PTCD1: variants seen among roughly 807,000 people sequenced by gnomAD.
PTCD1 encodes the protein pentatricopeptide repeat domain 1.
A neutral mutation model predicts 53.4 loss-of-function variants in PTCD1; 50 were observed. The ratio of observed to expected loss-of-function variants is 0.94; its 90% confidence interval spans 0.75 to 1.19. The LOEUF is 1.19. Among genes scored for constraint, PTCD1 ranks in the 50% most tolerant of loss-of-function variants. PTCD1 has a pLI of 0.00. For synonymous variants in PTCD1, 413 were observed against 394.8 expected (o/e 1.05, Z -0.55); for missense variants, 918 against 904.8 (o/e 1.01, Z -0.19).
rs537298799 is a variant in PTCD1 at position 99,418,157 on chromosome 7, G to C, written c.*1810C>G. The C allele has an allele frequency of 6.7e-4, 158 of 235,754 alleles. 1 individual carries two copies. Among genetic ancestry groups the C allele is most frequent in the Middle Eastern group, 2.1e-3 (1 of 476 alleles). 14.6% of individuals were successfully genotyped at this position (235,754 alleles called of 1,614,324 possible). A position where few individuals can be genotyped will look rare whatever the true frequency, so the allele number is the denominator to read the frequency against. On this transcript the variant is annotated 3_prime_UTR_variant, in exon 8 of 8. Transcript: ENST00000292478. ...TAATTTTGTATTTTTAGTAGAGACG[G>C]GGTTTCTCAATGTTGCTCAGGCTGG...
Position 99,429,623 on chromosome 7 carries a change from A to G in PTCD1, c.778T>C (p.Cys260Arg). Residue 260 changes from cysteine (C) to arginine (R), a missense_variant, in exon 4 of 8, where the codon TGC (cysteine) becomes CGC (arginine). By Grantham distance (180) the Cys-to-Arg change is radical. Coordinates refer to ENST00000292478, the MANE Select transcript of PTCD1 (RefSeq NM_015545.4). ...YHALLKMAAK[C>R]ADLRMCLDVF... ...TCGAGGCACATCCTAAGGTCTGCGC[A>G]CTTGGCAGCCATCTTCAGCAGCGCG... 1 of 1,614,204 alleles carries G rather than the reference A, an allele frequency of 6.2e-7. No individual in the cohort carries two copies. Among genetic ancestry groups the G allele is most frequent in the Non-Finnish European group, 8.5e-7 (1 of 1,180,028 alleles).
At chr7:99,428,206 A>C (rs889880728) in intron 5 of PTCD1, among the ~76,000 whole-genome samples, 1 of 151,970 alleles carries the variant, frequency 6.6e-6, no homozygotes, top group African/African-American at 2.4e-5. Flanking sequence ...GAGACCATCC[A>C]GGCTAACATG....
At chr7:99,433,049 TGAAGGGA>T in intron 3 of PTCD1, 1 of 627,728 alleles carries the variant, frequency 1.6e-6, no homozygotes, top group South Asian at 1.9e-5. Context: ...TGTTTTTTTT[TGAAGGGA>T]AAAGAAAGGG....
At chr7:99,424,062 C>T (rs1795929402) in intron 6 of PTCD1, 105 bp from the exon 7 acceptor site, 2 of 1,490,344 alleles carry the variant, frequency 1.3e-6, no homozygotes, top group South Asian at 2.4e-5. Context: ...GCGGCCAGGG[C>T]CAGCAAGGCA....
chr7:99,431,731 ACT>A (rs1004632843), intron 3 of PTCD1, among the ~76,000 whole-genome samples: 20 of 152,134 alleles, frequency 1.3e-4, no homozygotes, highest in African/African-American at 4.8e-4. Flanking sequence ...ACAGAGCGAG[ACT>A]CTGTCTCCAA....
Position 99,419,341 on chromosome 7 carries a change from G to A in PTCD1, c.*626C>T. ...GGGTTGCCACATATGTGAGTGTGCA[G>A]GGGCGAGCGTGGCGCAGTGGCATCG... On this transcript the variant is annotated 3_prime_UTR_variant, in exon 8 of 8. Transcript: ENST00000292478. 6.2e-7 allele frequency: 1 copy of A among 1,605,370 alleles called. No homozygotes were observed. Among genetic ancestry groups the A allele is most frequent in the Non-Finnish European group, 8.5e-7 (1 of 1,174,814 alleles).
intron 7 of PTCD1, among the ~76,000 whole-genome samples, chr7:99,423,550 G>A (rs1795907786): frequency 6.6e-6 from 1 of 152,162 alleles, no homozygotes; most frequent in Non-Finnish European, 1.5e-5. Flanking sequence ...AAGGCCACTG[G>A]GACAGACAGA....
intron 1 of PTCD1, among the ~76,000 whole-genome samples, chr7:99,437,572 G>C (rs899108626): frequency 3.9e-5 from 6 of 152,080 alleles, no homozygotes; most frequent in African/African-American, 1.4e-4. Context: ...CGAAGTGCTG[G>C]GATTACAGCC....
At chr7:99,421,157 T>G (rs965210910) in intron 7 of PTCD1, among the ~76,000 whole-genome samples, 3 of 152,044 alleles carry the variant, frequency 2.0e-5, no homozygotes, top group African/African-American at 7.2e-5. Flanking sequence ...AAAATCAATC[T>G]GGCTGTGTGT....
In PTCD1 at chr7:99,438,745, G is replaced by T. The variant is rs1294101186; in HGVS notation, c.-80C>A. 7.6e-7 allele frequency: 1 copy of T among 1,320,500 alleles called. No individual in the cohort carries two copies. Among genetic ancestry groups the T allele is most frequent in the African/African-American group, 1.5e-5 (1 of 66,622 alleles). The allele number at this position is 1,320,500 out of a possible 1,614,324, so 81.8% of individuals were successfully genotyped here. A position where few individuals can be genotyped will look rare whatever the true frequency, so the allele number is the denominator to read the frequency against. ...CGGGGAGCCCTGCCCGGTCCCCGCG[G>T]CGAACCAGTCTCTTCCTCGGGTCCC... On this transcript the variant is annotated 5_prime_UTR_variant, in exon 1 of 8. Transcript: ENST00000292478.
chr7:99,434,065 AAAC>A (rs896812249), intron 2 of PTCD1, among the ~76,000 whole-genome samples: 4 of 134,716 alleles, frequency 3.0e-5, no homozygotes, highest in African/African-American at 1.1e-4. Flanking sequence ...AAAAAAAAAA[AAAC>A]AAAAAAACAA....
At position 99,417,769 on chromosome 7, in the gene PTCD1, C is replaced by G. The variant is rs755808989; in HGVS notation, c.*2198G>C. ...GTATTCAGGAATCCATGTGAGGCAG[C>G]GTGTGGCTGTGTGTTTGTTAGGTCT... On this transcript the variant is annotated 3_prime_UTR_variant, in exon 8 of 8. Coordinates refer to ENST00000292478, the MANE Select transcript of PTCD1 (RefSeq NM_015545.4). The G allele has an allele frequency of 6.5e-7, 1 of 1,531,148 alleles. No homozygotes were observed. The highest frequency in any genetic ancestry group is 8.7e-7 in the Non-Finnish European group (1 of 1,144,342). The allele number at this position is 1,531,148 out of a possible 1,614,324, so 94.8% of individuals were successfully genotyped here. A position where few individuals can be genotyped will look rare whatever the true frequency, so the allele number is the denominator to read the frequency against.
At chr7:99,427,350 A>G (rs1212120429) in intron 5 of PTCD1, among the ~76,000 whole-genome samples, 18 of 86,560 alleles carry the variant, frequency 2.1e-4, no homozygotes, top group African/African-American at 5.0e-4. Context: ...TCCGGGAGGG[A>G]GGTGGGGGGT....
chr7:99,419,342 G>C lies in PTCD1; in HGVS notation c.*625C>G. On this transcript the variant is annotated 3_prime_UTR_variant, in exon 8 of 8. Transcript: ENST00000292478. ...GGTTGCCACATATGTGAGTGTGCAG[G>C]GGCGAGCGTGGCGCAGTGGCATCGT... 1 of 1,605,370 alleles carries C rather than the reference G, an allele frequency of 6.2e-7. No individual in the cohort carries two copies. Among genetic ancestry groups the C allele is most frequent in the East Asian group, 2.2e-5 (1 of 44,836 alleles).
At chr7:99,433,066 G>A (rs1796324438) in intron 3 of PTCD1, 1 of 686,178 alleles carries the variant, frequency 1.5e-6, no homozygotes, top group Non-Finnish European at 2.5e-6. Context: ...AAAAGAAAGG[G>A]AACATGGGGA....
Position 99,425,619 on chromosome 7 carries a change from G to A in PTCD1, c.916-3C>T, listed in dbSNP as rs963139097. ...AGACTCAGCATCAGCCGCCACACCT[G>A]CCACGGAAGAGACAAACGTCAGCTG... On this transcript the variant is annotated splice_region_variant and splice_polypyrimidine_tract_variant and intron_variant, in intron 5 of 7. Coordinates refer to ENST00000292478, the MANE Select transcript of PTCD1 (RefSeq NM_015545.4). 4.4e-6 allele frequency: 7 copies of A among 1,606,954 alleles called. No homozygotes were observed. In the African/African-American group the frequency reaches 6.7e-5, roughly 15 times the overall value.
chr7:99,431,868 G>A (rs1796265931), intron 3 of PTCD1, among the ~76,000 whole-genome samples: 1 of 152,242 alleles, frequency 6.6e-6, no homozygotes, highest in Admixed American at 6.5e-5. Context: ...TTGAGATGCT[G>A]TTAAACTGTA....
chr7:99,429,063 C>T (rs201324484), intron 5 of PTCD1, 40 bp downstream of exon 5: 3 of 1,611,476 alleles, frequency 1.9e-6, no homozygotes, highest in Non-Finnish European at 2.5e-6. Flanking sequence ...CCTCTGGCAC[C>T]GGGGAAGCAG....
At chr7:99,430,533 AAGT>A (rs1796214515) in intron 3 of PTCD1, among the ~76,000 whole-genome samples, 1 of 152,196 alleles carries the variant, frequency 6.6e-6, no homozygotes, top group Non-Finnish European at 1.5e-5. Context: ...CGGTGCATTC[AAGT>A]GGGGTGGCCT....
Sources: gnomAD v4.1 joint callset for allele counts (sites outside exome capture counted in the v4.1 genomes callset) on GRCh38, gnomAD v4.1.1 for gene constraint, MANE v1.5 for transcripts, NCBI Gene and HGNC (gene_info 2026-07-23, HGNC 2026-07-21) for gene names.